RABGAP1L: variants seen among roughly 807,000 people sequenced by gnomAD.
RABGAP1L encodes the protein rab GTPase-activating protein 1-like.
Under a neutral mutation model 137.7 loss-of-function variants are expected in RABGAP1L, and 63 were observed. The observed-to-expected ratio is 0.46, with a 90% CI of 0.37 to 0.56. The LOEUF is 0.56. Among genes scored for constraint, RABGAP1L ranks in the 20% least tolerant of loss-of-function variants. The probability of loss-of-function intolerance (pLI) is 0.00; values close to 1 mark genes in which losing one functional copy is unlikely to be tolerated. For synonymous variants in RABGAP1L, 431 were observed against 433.7 expected, an observed-to-expected ratio of 0.99 and a Z score of 0.08; for missense variants, 1,095 against 1,244.0, an observed-to-expected ratio of 0.88 and a Z score of 1.80.
At chr1:174,792,949 A>G in intron 18 of RABGAP1L, among the ~76,000 whole-genome samples, 1 of 152,164 alleles carries the variant, frequency 6.6e-6, no homozygotes, top group East Asian at 1.9e-4. Context: ...CCTGACCAAC[A>G]TGGTGAAACC....
chr1:174,957,787 T>C (rs764610921), intron 20 of RABGAP1L: 2 of 1,104,782 alleles, frequency 1.8e-6, no homozygotes, highest in South Asian at 2.6e-5. Flanking sequence ...CCCTCTGTTC[T>C]TCCTTGATTG....
intron 13 of RABGAP1L, among the ~76,000 whole-genome samples, chr1:174,567,822 A>G (rs1429921986): frequency 6.6e-6 from 1 of 152,214 alleles, no homozygotes; most frequent in Non-Finnish European, 1.5e-5. Context: ...TGTTTTTACA[A>G]TAAGAAAGAT....
chr1:174,757,078 G>C, intron 18 of RABGAP1L: 2 of 511,706 alleles, frequency 3.9e-6, no homozygotes, highest in Admixed American at 2.1e-5. Context: ...TTTCCCCCAC[G>C]GACTCTGCCA....
chr1:174,196,937 A>G (rs1667734115), intron 1 of RABGAP1L, among the ~76,000 whole-genome samples: 1 of 152,154 alleles, frequency 6.6e-6, no homozygotes, highest in South Asian at 2.1e-4. Context: ...ATAAGGTGGA[A>G]TTTGAGATGT....
chr1:174,696,272 A>T (rs1032119759), intron 15 of RABGAP1L, among the ~76,000 whole-genome samples: 1 of 151,964 alleles, frequency 6.6e-6, no homozygotes, highest in Non-Finnish European at 1.5e-5. Flanking sequence ...TTGCAGGACA[A>T]AGTCCTCTTT....
chr1:174,356,489 A>C (rs764072925), intron 11 of RABGAP1L, among the ~76,000 whole-genome samples: 2 of 152,092 alleles, frequency 1.3e-5, no homozygotes, highest in South Asian at 4.1e-4. Flanking sequence ...GTGTGTATAG[A>C]TATTTCTTTT....
chr1:174,672,923 G>A (rs1677295667), intron 14 of RABGAP1L, among the ~76,000 whole-genome samples: 1 of 152,096 alleles, frequency 6.6e-6, no homozygotes, highest in South Asian at 2.1e-4. Flanking sequence ...AAATCTCAGA[G>A]TTCCTAGTTC....
intron 19 of RABGAP1L, chr1:174,897,516 T>C (rs2149142845): frequency 6.6e-6 from 1 of 152,366 alleles, no homozygotes; most frequent in African/African-American, 2.4e-5. Flanking sequence ...GACCCACCTA[T>C]GCTAAGATAA....
At chr1:174,731,321 G>A (rs1572958426) in intron 17 of RABGAP1L, among the ~76,000 whole-genome samples, 1 of 152,168 alleles carries the variant, frequency 6.6e-6, no homozygotes, top group Admixed American at 6.5e-5. Context: ...AAGCATTGCT[G>A]TAAGACTACA....
At chr1:174,598,205 G>T (rs184181841) in intron 13 of RABGAP1L, among the ~76,000 whole-genome samples, 2 of 151,838 alleles carry the variant, frequency 1.3e-5, no homozygotes, top group Non-Finnish European at 2.9e-5. Context: ...GTGCATGCCT[G>T]TAGTCCCAGC....
At chr1:174,511,364 A>G (rs1662316290) in intron 13 of RABGAP1L, among the ~76,000 whole-genome samples, 1 of 152,206 alleles carries the variant, frequency 6.6e-6, no homozygotes, top group Non-Finnish European at 1.5e-5. Flanking sequence ...AAAAGATTCT[A>G]AGGCTCATAG....
At chr1:174,612,358 T>G (rs1195002514) in intron 13 of RABGAP1L, among the ~76,000 whole-genome samples, 1 of 152,220 alleles carries the variant, frequency 6.6e-6, no homozygotes, top group African/African-American at 2.4e-5. Flanking sequence ...TGGATTACAT[T>G]TATTGATTTG....
rs1272028022 is a variant in RABGAP1L at position 174,445,967 on chromosome 1, T to C, written c.1710+51822T>C. 2.0e-5 allele frequency among the ~76,000 whole-genome samples: 3 copies of C among 152,350 alleles called. No individual in the cohort carries two copies. In the East Asian group the frequency reaches 5.8e-4, roughly 29 times the overall value. Reference sequence around the variant, plus strand: ...TGCCGAGTAAGTCTATAAGCCTGCATGTGCCTGGCAACTGTTACCTAGTGA... The same window carrying C: ...TGCCGAGTAAGTCTATAAGCCTGCACGTGCCTGGCAACTGTTACCTAGTGA... On this transcript the variant is annotated intron_variant, in intron 13 of 25. Coordinates refer to ENST00000681986, the MANE Select transcript of RABGAP1L (RefSeq NM_001366446.1).
intron 18 of RABGAP1L, among the ~76,000 whole-genome samples, chr1:174,763,477 C>G (rs1406234950): frequency 6.6e-6 from 1 of 150,842 alleles, no homozygotes; most frequent in Non-Finnish European, 1.5e-5. Flanking sequence ...GGTGAAACCC[C>G]GTCTCTACTA....
chr1:174,521,771 G>A (rs1444825990), intron 13 of RABGAP1L, among the ~76,000 whole-genome samples: 1 of 152,096 alleles, frequency 6.6e-6, no homozygotes, highest in Non-Finnish European at 1.5e-5. Context: ...AAACACTAGG[G>A]CCTTTTGGAA....
intron 19 of RABGAP1L, among the ~76,000 whole-genome samples, chr1:174,931,990 GTT>G (rs532860564): frequency 0.088 from 6,079 of 69,352 alleles, 61 homozygotes; most frequent in Admixed American, 0.1. Flanking sequence ...TGCTTTTTTG[GTT>G]TTTTTTTTTT....
At chr1:174,957,952 G>C (rs1272055759) in intron 20 of RABGAP1L, 1 of 1,571,512 alleles carries the variant, frequency 6.4e-7, no homozygotes, top group African/African-American at 1.4e-5. Context: ...ATAAGAAGCT[G>C]AGAGAAAGAG....
chr1:174,854,698 T>C (rs1648950455), intron 19 of RABGAP1L, among the ~76,000 whole-genome samples: 1 of 133,402 alleles, frequency 7.5e-6, no homozygotes, highest in Non-Finnish European at 1.6e-5. Flanking sequence ...ATAACTGCAA[T>C]AGACTCAATA....
chr1:174,533,158 C>T (rs764958235), intron 13 of RABGAP1L, among the ~76,000 whole-genome samples: 19 of 152,120 alleles, frequency 1.2e-4, no homozygotes, highest in Middle Eastern at 3.2e-3. Context: ...CGCTTGAACC[C>T]GGGAGGCAGA....
Sources: allele counts gnomAD v4.1 joint callset (sites outside exome capture counted in the v4.1 genomes callset), GRCh38; gene constraint gnomAD v4.1.1; transcripts MANE v1.5; gene names NCBI Gene and HGNC (gene_info 2026-07-23, HGNC 2026-07-21).